The following PTPRJ variants were observed in gnomAD, a reference collection of about 807,000 sequenced individuals.
PTPRJ encodes the protein protein tyrosine phosphatase receptor type J, also known as receptor-type tyrosine-protein phosphatase eta.
In PTPRJ, 129 loss-of-function variants were observed where a neutral mutation model predicts 141.3. The ratio of observed to expected loss-of-function variants is 0.91; its 90% CI spans 0.79 to 1.06. The LOEUF is 1.06. Ranked by LOEUF, PTPRJ falls within the 50% of genes least tolerant of loss-of-function variation. The pLI, the probability that PTPRJ is intolerant of heterozygous loss-of-function variation, is 0.00. For missense variants in PTPRJ, 1,601 were observed against 1,679.7 expected (o/e 0.95, Z 0.82); for synonymous variants, 610 against 640.5 (o/e 0.95, Z 0.72).
Position 48,142,940 on chromosome 11 carries a change from C to T in PTPRJ, c.2465C>T (p.Ser822Phe). ...GITDPPPPDG[S>F]PNITSVSHNS... Reference sequence around the variant, plus strand: ...TTAGATCCCCCTCCTCCAGATGGATCCCCTAATATTACATCTGTCAGTCAC... The same window carrying T: ...TTAGATCCCCCTCCTCCAGATGGATTCCCTAATATTACATCTGTCAGTCAC... The change falls in exon 12 of 25, where the codon TCC becomes TTC. Residue 822 changes from serine (S) to phenylalanine (F), a missense_variant. Transcript: ENST00000418331. 1.2e-6 allele frequency: 2 copies of T among 1,613,984 alleles called. No homozygotes were observed. Among genetic ancestry groups the T allele is most frequent in the Non-Finnish European group, 1.7e-6 (2 of 1,179,910 alleles).
chr11:48,035,151 G>T (rs1217123117), intron 1 of PTPRJ, among the ~76,000 whole-genome samples: 6 of 152,168 alleles, frequency 3.9e-5, no homozygotes, highest in African/African-American at 1.4e-4. Flanking sequence ...GTGGCCCATG[G>T]CACCCAGTTG....
rs1236797639 is a variant in PTPRJ at position 48,158,171 on chromosome 11, AAAG to A, written c.3439-1753_3439-1751del. Among the ~76,000 whole-genome samples the A allele has an allele frequency of 1.3e-5, 2 of 152,170 alleles. No homozygotes were observed. The highest frequency in any genetic ancestry group is 2.9e-5 in the Non-Finnish European group (2 of 68,012). On this transcript the variant is annotated intron_variant, in intron 21 of 24. Transcript: ENST00000418331. This position sits in a 1 kb window ranked among gnomAD's most constrained non-coding sequence, Gnocchi z 4.4. ...TGTCTCAAAACAAAACAAAACAAAA[AAAG>A]AAGAATGCAAATAAGCTTTTTAATA...
rs757305388 is a variant in PTPRJ, at chr11:48,159,951, C to G, written c.3460C>G (p.Pro1154Ala). 4 of 1,613,810 alleles carry G rather than the reference C, an allele frequency of 2.5e-6. No individual in the cohort carries two copies. ...CTAGACCAAATGTGAGGAGTATTGG[C>G]CCTCCAAGCAGGCTCAGGACTATGG... is the stretch of plus-strand genomic sequence containing the variant. ...QGRTKCEEYW[P>A]SKQAQDYGDI... The change falls in exon 22 of 25, where the codon CCC (proline) becomes GCC (alanine). Residue 1154 changes from proline to alanine, a missense_variant. By Grantham distance (27) the Pro-to-Ala change is conservative (BLOSUM62 -1). Coordinates refer to ENST00000418331, the MANE Select transcript of PTPRJ (RefSeq NM_002843.4).
intron 1 of PTPRJ, among the ~76,000 whole-genome samples, chr11:48,083,499 G>C (rs1321217897): frequency 1.3e-5 from 2 of 152,164 alleles, no homozygotes; most frequent in African/African-American, 2.4e-5. Context: ...CAAATCTCAG[G>C]CTTGCTGAAT....
At chr11:48,039,062 A>G (rs1308376079) in intron 1 of PTPRJ, among the ~76,000 whole-genome samples, 15 of 151,376 alleles carry the variant, frequency 9.9e-5, no homozygotes, top group Non-Finnish European at 7.4e-5. Flanking sequence ...AGGCAGGAGA[A>G]TCACCTGAAC....
At chr11:48,136,975 C>A in intron 9 of PTPRJ, 28 bp from the exon 10 acceptor site, 1 of 1,546,656 alleles carries the variant, frequency 6.5e-7, no homozygotes, top group South Asian at 1.1e-5. Flanking sequence ...TGTGCTTTTA[C>A]ATGAATTGCC....
intron 1 of PTPRJ, chr11:48,096,750 A>T (rs1856015019): frequency 1.9e-5 from 3 of 154,606 alleles, no homozygotes; most frequent in African/African-American, 7.2e-5. Flanking sequence ...TGAAGCCAGT[A>T]GTTCTCAAAC....
At chr11:48,045,521 T>C (rs1854370682) in intron 1 of PTPRJ, among the ~76,000 whole-genome samples, 1 of 152,222 alleles carries the variant, frequency 6.6e-6, no homozygotes, top group South Asian at 2.1e-4. Flanking sequence ...AACCGTTTGC[T>C]CCCGACTTTT....
intron 1 of PTPRJ, among the ~76,000 whole-genome samples, chr11:48,054,018 T>C (rs1214127956): frequency 6.7e-6 from 1 of 150,048 alleles, no homozygotes; most frequent in Non-Finnish European, 1.5e-5. Flanking sequence ...CTGCAGCCTC[T>C]GCCTTCTAGG....
intron 1 of PTPRJ, among the ~76,000 whole-genome samples, chr11:48,083,032 A>G (rs1450194637): frequency 6.6e-6 from 1 of 152,154 alleles, no homozygotes; most frequent in African/African-American, 2.4e-5. Flanking sequence ...CTCTTCCTAG[A>G]GTAGTTGGAA....
chr11:48,164,373 C>T lies in PTPRJ; in HGVS notation c.3720-7C>T. ...ACTGTAATAGGCTTATTTCTCTTTT[C>T]TCTCAGTGCTGGGGTCGGAAGGACG... On this transcript the variant is annotated splice_polypyrimidine_tract_variant and splice_region_variant and intron_variant, in intron 23 of 24. Coordinates refer to ENST00000418331, the MANE Select transcript of PTPRJ (RefSeq NM_002843.4). 6.2e-7 allele frequency: 1 copy of T among 1,612,844 alleles called. No homozygotes were observed. Among genetic ancestry groups the T allele is most frequent in the Non-Finnish European group, 8.5e-7 (1 of 1,179,560 alleles).
intron 1 of PTPRJ, among the ~76,000 whole-genome samples, chr11:48,039,491 GTGTGTGTGTGTA>G (rs1210846078): frequency 6.6e-6 from 1 of 152,038 alleles, no homozygotes; most frequent in African/African-American, 2.4e-5. Context: ...GTGTGTGTGT[GTGTGTGTGTGTA>G]TGCACATGTG....
chr11:48,097,276 G>A (rs1856031556), intron 1 of PTPRJ, among the ~76,000 whole-genome samples: 1 of 152,186 alleles, frequency 6.6e-6, no homozygotes, highest in Admixed American at 6.5e-5. Context: ...TTTCTAGGTA[G>A]TAGGACCAGC....
intron 3 of PTPRJ, among the ~76,000 whole-genome samples, chr11:48,113,671 T>A (rs1276059511): frequency 6.6e-6 from 1 of 152,226 alleles, no homozygotes; most frequent in Admixed American, 6.5e-5. Flanking sequence ...TTCTGGGTAT[T>A]GTTTTCATAA....
chr11:48,140,191 C>T (rs1327515720), intron 11 of PTPRJ, among the ~76,000 whole-genome samples: 5 of 152,140 alleles, frequency 3.3e-5, no homozygotes, highest in African/African-American at 7.2e-5. Context: ...CATGTCACCA[C>T]GCCTGGCTAA....
intron 1 of PTPRJ, among the ~76,000 whole-genome samples, chr11:48,045,483 G>A (rs183365781): frequency 8.3e-4 from 127 of 152,316 alleles, no homozygotes; most frequent in African/African-American, 2.9e-3. Context: ...GATGGTGGGA[G>A]TGTCTCTTTG....
At chr11:48,124,015 C>T (rs187829950) in intron 5 of PTPRJ, 145 bp downstream of exon 5, 48 of 933,698 alleles carry the variant, frequency 5.1e-5, no homozygotes, top group Non-Finnish European at 6.8e-5. Flanking sequence ...TTTGATCCCC[C>T]ACCTGCATGA....
chr11:48,030,140 T>A (rs1853940292), intron 1 of PTPRJ, among the ~76,000 whole-genome samples: 1 of 152,184 alleles, frequency 6.6e-6, no homozygotes, highest in Non-Finnish European at 1.5e-5. Context: ...TGTTTTGTCT[T>A]TTATGGAGTT....
intron 1 of PTPRJ, among the ~76,000 whole-genome samples, chr11:48,093,537 C>T (rs3942852): frequency 0.7 from 106,407 of 152,094 alleles, 39,106 homozygotes; most frequent in South Asian, 0.83. Flanking sequence ...TTTGCAACTA[C>T]ACGTCTCTAT....
Sources: allele counts gnomAD v4.1 joint callset (sites outside exome capture counted in the v4.1 genomes callset), GRCh38; gene constraint gnomAD v4.1.1; non-coding constraint Gnocchi (gnomAD v3.1); transcripts MANE v1.5; gene names NCBI Gene and HGNC (gene_info 2026-07-23, HGNC 2026-07-21).